The following LNPK variants were observed in gnomAD, a reference collection of about 807,000 sequenced individuals.
The protein encoded by LNPK is lunapark, ER junction formation factor, also known as endoplasmic reticulum junction formation protein lunapark.
LNPK carries 29 observed loss-of-function variants against 55.2 expected under a neutral mutation model. That is an observed-to-expected ratio of 0.53 (90% CI 0.39 to 0.72). The LOEUF (loss-of-function observed/expected upper bound fraction) is 0.72, where lower values mean the gene tolerates loss of function less well. LNPK is among the 30% of genes least tolerant of loss of function. The pLI, the probability that LNPK is intolerant of heterozygous loss-of-function variation, is 0.00. For missense variants in LNPK, 467 were observed against 494.8 expected (o/e 0.94, Z 0.53); for synonymous variants, 162 against 168.2 (o/e 0.96, Z 0.29).
rs1685215768 is a variant in LNPK at position 175,947,705 on chromosome 2, A to G, written c.494-13T>C. On this transcript the variant is annotated splice_polypyrimidine_tract_variant and intron_variant, in intron 8 of 12. Transcript: ENST00000272748. Reference sequence around the variant, plus strand: ...CGCTGACGAATCTCTGAGAAGAGTAAGTACATACTAGACTTAATTTCCAAT... The same window carrying G: ...CGCTGACGAATCTCTGAGAAGAGTAGGTACATACTAGACTTAATTTCCAAT... 1 of 1,572,464 alleles carries G rather than the reference A, an allele frequency of 6.4e-7. No individual in the cohort carries two copies. The highest frequency in any genetic ancestry group is 8.7e-7 in the Non-Finnish European group (1 of 1,152,106).
intron 8 of LNPK, among the ~76,000 whole-genome samples, chr2:175,954,749 T>C (rs2105589752): frequency 6.6e-6 from 1 of 152,332 alleles, no homozygotes; most frequent in South Asian, 2.1e-4. Flanking sequence ...TTTTATAACA[T>C]TTAAACAAAA....
chr2:175,982,396 A>G (rs1687216618), intron 4 of LNPK, among the ~76,000 whole-genome samples: 1 of 152,196 alleles, frequency 6.6e-6, no homozygotes, highest in Non-Finnish European at 1.5e-5. Context: ...AACTCACTAA[A>G]TCCTCTCTGT....
At chr2:175,994,708 C>T (rs776274938) in intron 2 of LNPK, among the ~76,000 whole-genome samples, 39 of 151,356 alleles carry the variant, frequency 2.6e-4, no homozygotes, top group Non-Finnish European at 3.7e-4. Context: ...TTAGTAGAGA[C>T]GGGGTTATAT....
rs1053761663 is a variant in LNPK, at chr2:175,924,263, A to G, written c.*5704T>C. Reference sequence around the variant, plus strand: ...TTTTCTAGAGTAGCTAGTCTCCATGACCATTTCAAAATAGCTATTCATAAT... The same window carrying G: ...TTTTCTAGAGTAGCTAGTCTCCATGGCCATTTCAAAATAGCTATTCATAAT... On this transcript the variant is annotated 3_prime_UTR_variant, in exon 13 of 13. Coordinates refer to ENST00000272748, the MANE Select transcript of LNPK (RefSeq NM_030650.3). The G allele has an allele frequency of 6.6e-6, 1 of 152,212 alleles. No homozygotes were observed. Among genetic ancestry groups the G allele is most frequent in the African/African-American group, 2.4e-5 (1 of 41,454 alleles). The allele number at this position is 152,212 out of a possible 1,614,324, so 9.4% of individuals were successfully genotyped here. A position where few individuals can be genotyped will look rare whatever the true frequency, so the allele number is the denominator to read the frequency against.
intron 4 of LNPK, among the ~76,000 whole-genome samples, chr2:175,980,338 G>A (rs954388264): frequency 6.6e-6 from 1 of 152,068 alleles, no homozygotes; most frequent in Admixed American, 6.6e-5. Context: ...ACAATAGAGG[G>A]ACAGTCTCTA....
intron 8 of LNPK, among the ~76,000 whole-genome samples, chr2:175,959,736 T>C (rs948022686): frequency 2.6e-5 from 4 of 152,144 alleles, no homozygotes; most frequent in Admixed American, 1.3e-4. Context: ...GTAAATGGGC[T>C]AAATGCCCCA....
intron 8 of LNPK, among the ~76,000 whole-genome samples, chr2:175,961,065 T>G (rs945822509): frequency 6.6e-6 from 1 of 152,136 alleles, no homozygotes; most frequent in Non-Finnish European, 1.5e-5. Flanking sequence ...GAGGCAATAA[T>G]AGCCTACCAA....
intron 10 of LNPK, chr2:175,938,592 A>G: frequency 2.8e-6 from 1 of 358,552 alleles, no homozygotes; most frequent in Non-Finnish European, 5.0e-6. Flanking sequence ...TAAAAATATA[A>G]TTTATACATC....
In LNPK at chr2:175,997,705, C is replaced by CTGTGTGTGTGTGTGTGTGTG. The variant is rs35147185; in HGVS notation, c.-62-2079_-62-2060dup. 1.0e-3 allele frequency among the ~76,000 whole-genome samples: 149 copies of CTGTGTGTGTGTGTGTGTGTG among 144,124 alleles called. 2 individuals carry two copies. The highest frequency in any genetic ancestry group is 7.0e-3 in the Middle Eastern group (2 of 284). 94.6% of individuals were successfully genotyped at this position (144,124 alleles called of 152,430 possible). On this transcript the variant is annotated intron_variant, in intron 1 of 12. Coordinates refer to ENST00000272748, the MANE Select transcript of LNPK (RefSeq NM_030650.3). Reference sequence around the variant, plus strand: ...TTCTAGCGGCCCTAAAACAAATGCTCTGTGTGTGTGTGTGTGTGTGTGTGT... The same window carrying CTGTGTGTGTGTGTGTGTGTG: ...TTCTAGCGGCCCTAAAACAAATGCTCTGTGTGTGTGTGTGTGTGTGTGTGTGTGTGTGTGTGTGTGTGTGT...
At chr2:175,936,981 G>A (rs1684578363) in intron 12 of LNPK, among the ~76,000 whole-genome samples, 1 of 152,050 alleles carries the variant, frequency 6.6e-6, no homozygotes, top group Admixed American at 6.6e-5. Context: ...CACAAATCTT[G>A]TATTTTATCC....
intron 8 of LNPK, among the ~76,000 whole-genome samples, chr2:175,957,701 A>T (rs536705704): frequency 6.6e-6 from 1 of 152,194 alleles, no homozygotes; most frequent in East Asian, 1.9e-4. Flanking sequence ...TCTCACTGGG[A>T]CTGGTTGGCC....
chr2:175,995,727 AT>A (rs1687900525), intron 1 of LNPK, 81 bp from the exon 2 acceptor site: 7 of 468,918 alleles, frequency 1.5e-5, no homozygotes, highest in Non-Finnish European at 2.3e-5. Context: ...TGCCTAAAAA[AT>A]GTTATGAAAT....
Position 175,929,024 on chromosome 2 carries a change from T to C in LNPK, c.*943A>G, listed in dbSNP as rs995990426. On this transcript the variant is annotated 3_prime_UTR_variant, in exon 13 of 13. Transcript: ENST00000272748. ...GCTCTAAGCAGAATCTACAGATTTA[T>C]TGTATTGTGAGCTATTCCTCCTAAG... 16 of 653,276 alleles carry C rather than the reference T, an allele frequency of 2.4e-5. No homozygotes were observed. In the African/African-American group the frequency reaches 3.1e-4, roughly 13 times the overall value. The allele number at this position is 653,276 out of a possible 1,614,324, so 40.5% of individuals were successfully genotyped here.
At chr2:175,930,756 T>C (rs1160491634) in intron 12 of LNPK, among the ~76,000 whole-genome samples, 2 of 152,114 alleles carry the variant, frequency 1.3e-5, no homozygotes, top group Non-Finnish European at 2.9e-5. Context: ...CAGGTTTCTA[T>C]CTTTTCCAAA....
At chr2:175,992,439 C>A in intron 3 of LNPK, 21 bp from the exon 4 acceptor site, 2 of 1,374,712 alleles carry the variant, frequency 1.5e-6, no homozygotes, top group Non-Finnish European at 9.7e-7. Context: ...AAAATTATTC[C>A]ATGTTAGTAA....
At position 175,991,570 on chromosome 2, in the gene LNPK, T is replaced by C. The variant is rs191251010; in HGVS notation, c.257+661A>G. Among the ~76,000 whole-genome samples the C allele has an allele frequency of 2.7e-4, 41 of 152,278 alleles. 1 individual carries two copies. The East Asian group carries it at 7.9e-3, about 29-fold the overall frequency. ...GCTCCCATAGCATTTTACACTTCTG[T>C]TTATAACATTCATCATACTCATTAC... is the stretch of plus-strand genomic sequence containing the variant. On this transcript the variant is annotated intron_variant, in intron 4 of 12. Coordinates refer to ENST00000272748, the MANE Select transcript of LNPK (RefSeq NM_030650.3).
intron 12 of LNPK, among the ~76,000 whole-genome samples, chr2:175,936,614 G>A (rs1684556376): frequency 6.6e-6 from 1 of 152,030 alleles, no homozygotes; most frequent in Non-Finnish European, 1.5e-5. Context: ...AAGAGCTCCT[G>A]ACCAAGTATT....
At chr2:175,941,103 T>C (rs1236433054) in intron 9 of LNPK, 2 of 389,634 alleles carry the variant, frequency 5.1e-6, no homozygotes, top group Admixed American at 6.2e-5. Flanking sequence ...ATACAAAAAT[T>C]AGCTGGGTGT....
chr2:175,960,200 C>T (rs1479631308), intron 8 of LNPK, among the ~76,000 whole-genome samples: 1 of 152,144 alleles, frequency 6.6e-6, no homozygotes, highest in Non-Finnish European at 1.5e-5. Context: ...AGCTCTGCAC[C>T]AAGCTGCCTT....
Sources: allele counts gnomAD v4.1 joint callset (sites outside exome capture counted in the v4.1 genomes callset), GRCh38; gene constraint gnomAD v4.1.1; transcripts MANE v1.5; gene names NCBI Gene and HGNC (gene_info 2026-07-23, HGNC 2026-07-21).